Variants in ATP12A observed in about 807,000 individuals in gnomAD.
The protein encoded by ATP12A is ATPase H+/K+ transporting non-gastric alpha2 subunit.
A neutral mutation model predicts 111.2 loss-of-function variants in ATP12A; 81 were observed. That is an observed-to-expected ratio of 0.73 (90% confidence interval 0.61 to 0.88). The LOEUF (loss-of-function observed/expected upper bound fraction) is 0.88, where lower values mean the gene tolerates loss of function less well. Among genes scored for constraint, ATP12A ranks in the 40% least tolerant of loss-of-function variants. The pLI is 0.00. For synonymous variants in ATP12A, 498 were observed against 499.8 expected, an observed-to-expected ratio of 1.00 and a Z score of 0.05; for missense variants, 1,196 against 1,313.1, an observed-to-expected ratio of 0.91 and a Z score of 1.38.
Position 24,707,393 on chromosome 13 carries a change from G to A in ATP12A, c.2453G>A (p.Gly818Asp). The A allele has an allele frequency of 6.2e-7, 1 of 1,614,208 alleles. No homozygotes were observed. The change falls in exon 17 of 23, where the codon GGC becomes GAC. Residue 818 changes from glycine to aspartate, a missense_variant. Gly to Asp is a moderately conservative substitution (Grantham distance 94, BLOSUM62 -1). This residue lies in a region of ATP12A where 1,126 missense variants were observed against 1,228.5 expected (regional missense o/e 0.92). Transcript: ENST00000381946. Reference protein sequence around the residue: ...YIIVGLPLPIGTITILFIDLG... With the variant: ...YIIVGLPLPIDTITILFIDLG... ...ATTGTCGGGCTCCCCCTGCCCATTG[G>A]CACCATCACCATTCTGTTCATTGAC...
intron 4 of ATP12A, 54 bp from the exon 5 acceptor site, chr13:24,689,208 C>A: frequency 6.9e-7 from 1 of 1,440,934 alleles, no homozygotes; most frequent in Non-Finnish European, 9.8e-7. Context: ...AGCCCCAGGG[C>A]CCGGCTGCTT....
Position 24,707,101 on chromosome 13 carries a change from G to C in ATP12A, c.2248G>C (p.Gly750Arg), listed in dbSNP as rs1182244887. Residue 750 changes from glycine (G) to arginine (R), a missense_variant, in exon 16 of 23, where the codon GGG (glycine) becomes CGG (arginine). Coordinates refer to ENST00000381946, the MANE Select transcript of ATP12A (RefSeq NM_001676.7). ...LKKADIGIAM[G>R]IAGSDAAKNA... ...GAAGGCAGACATTGGGATTGCCATG[G>C]GGATAGCAGGTTCTGATGCAGCCAA... is the stretch of plus-strand genomic sequence containing the variant. 6.2e-7 allele frequency: 1 copy of C among 1,614,120 alleles called. No homozygotes were observed. The highest frequency in any genetic ancestry group is 1.1e-5 in the South Asian group (1 of 91,076).
At chr13:24,689,172 C>A in intron 4 of ATP12A, 90 bp from the exon 5 acceptor site, 1 of 960,012 alleles carries the variant, frequency 1.0e-6, no homozygotes, top group Non-Finnish European at 1.7e-6. Context: ...TAACTGCCAG[C>A]ATTGCATCCT....
chr13:24,705,480 C>T (rs1165523443), intron 14 of ATP12A, among the ~76,000 whole-genome samples: 1 of 152,174 alleles, frequency 6.6e-6, no homozygotes, highest in Non-Finnish European at 1.5e-5. Flanking sequence ...GGCCCTAGAA[C>T]CTTACTTTTA....
At chr13:24,680,784 C>T (rs1405515853) in intron 1 of ATP12A, 32 bp downstream of exon 1, 40 of 1,479,992 alleles carry the variant, frequency 2.7e-5, no homozygotes, top group Non-Finnish European at 3.4e-5. Context: ...GCCGAGGATG[C>T]GAGACGCTGG....
At chr13:24,709,886 T>C in intron 19 of ATP12A, 58 bp downstream of exon 19, 1 of 1,598,810 alleles carries the variant, frequency 6.3e-7, no homozygotes, top group South Asian at 1.1e-5. Flanking sequence ...CTCATTGCCC[T>C]GCGCAGAATT....
intron 11 of ATP12A, 143 bp downstream of exon 11, chr13:24,694,721 C>G: frequency 8.5e-6 from 11 of 1,287,894 alleles, no homozygotes; most frequent in Non-Finnish European, 1.2e-5. Flanking sequence ...GGCATCTGGT[C>G]CCCTAGGTCA....
rs745857314 is a variant in ATP12A, at chr13:24,686,761, A to AGAAG, written c.228+1404_228+1407dup. Among the ~76,000 whole-genome samples the AGAAG allele has an allele frequency of 1.0e-3, 138 of 132,680 alleles. 1 individual carries two copies. The highest frequency in any genetic ancestry group is 3.6e-3 in the African/African-American group (124 of 34,202). 87.0% of individuals were successfully genotyped at this position (132,680 alleles called of 152,430 possible). The stretch of plus-strand genomic sequence containing the variant: ...CGAAAGAAAAGAAGGAAAGAAAGAA[A>AGAAG]GAAGGAAGGAAGGAAGGAAAGAAAG... On this transcript the variant is annotated intron_variant, in intron 3 of 22. Coordinates refer to ENST00000381946, the MANE Select transcript of ATP12A (RefSeq NM_001676.7).
chr13:24,708,945 G>GA (rs1555255692), intron 17 of ATP12A, among the ~76,000 whole-genome samples: 2 of 141,646 alleles, frequency 1.4e-5, no homozygotes, highest in African/African-American at 5.4e-5. Flanking sequence ...AAGAAAGAAA[G>GA]AAAGAAAGAA....
At chr13:24,695,676 C>T (rs1401246702) in intron 11 of ATP12A, among the ~76,000 whole-genome samples, 1 of 142,114 alleles carries the variant, frequency 7.0e-6, no homozygotes, top group Non-Finnish European at 1.5e-5. Context: ...GGCACGATCT[C>T]GGCTCACTGC....
intron 9 of ATP12A, 33 bp from the exon 10 acceptor site, chr13:24,692,754 C>T (rs763793066): frequency 5.0e-5 from 81 of 1,609,096 alleles, no homozygotes; most frequent in Non-Finnish European, 6.7e-5. Context: ...CAGCCCAACC[C>T]ACAGCAGCCA....
rs1355580796 is a variant in ATP12A, at chr13:24,692,767, G to C, written c.1268-20G>C. ...GCCAGCCCAACCCACAGCAGCCACT[G>C]TTCTTTCTCTGTCTTCCAGACCAAG... On this transcript the variant is annotated intron_variant, in intron 9 of 22. Coordinates refer to ENST00000381946, the MANE Select transcript of ATP12A (RefSeq NM_001676.7). The C allele has an allele frequency of 2.5e-6, 4 of 1,612,380 alleles. No homozygotes were observed. Among genetic ancestry groups the C allele is most frequent in the Non-Finnish European group, 2.5e-6 (3 of 1,178,602 alleles).
rs140641280 is a variant in ATP12A at position 24,710,605 on chromosome 13, G to T, written c.2897+12G>T. The T allele has an allele frequency of 6.7e-4, 1,077 of 1,613,954 alleles. 11 individuals are homozygous for T. In the African/African-American group the frequency reaches 0.013, roughly 19 times the overall value. On this transcript the variant is annotated intron_variant, in intron 20 of 22. Coordinates refer to ENST00000381946, the MANE Select transcript of ATP12A (RefSeq NM_001676.7). ...CAGGGTCTCTTCAGGTACTGCCTGT[G>T]CCCGGCCTCCTGGGGCAGCCCTGGG...
chr13:24,707,964 C>T lies in ATP12A; in HGVS notation c.2493+531C>T, dbSNP rs374457729. ...TGCACCTGAGCTATAGCAAGCTTTT[C>T]AAGACATGAGTCTTCATCCTCAAAA... On this transcript the variant is annotated intron_variant, in intron 17 of 22. Transcript: ENST00000381946. Among the ~76,000 whole-genome samples, 74 of 151,816 alleles carry T rather than the reference C, an allele frequency of 4.9e-4. 2 individuals carry two copies. The South Asian group carries it at 0.015, about 31-fold the overall frequency.
chr13:24,683,603 G>GT (rs151040139), intron 2 of ATP12A, among the ~76,000 whole-genome samples: 12,721 of 152,208 alleles, frequency 0.084, 652 homozygotes, highest in Middle Eastern at 0.11. Context: ...GCATTTGTCC[G>GT]TATCTATCAT....
At chr13:24,681,979 TG>T (rs1255228313) in intron 2 of ATP12A, among the ~76,000 whole-genome samples, 4 of 118,368 alleles carry the variant, frequency 3.4e-5, no homozygotes, top group Non-Finnish European at 5.3e-5. Flanking sequence ...GTATGGTGTG[TG>T]GTGTGTGTGT....
At chr13:24,687,066 G>A (rs1054443885) in intron 3 of ATP12A, among the ~76,000 whole-genome samples, 4 of 152,124 alleles carry the variant, frequency 2.6e-5, no homozygotes, top group Non-Finnish European at 5.9e-5. Flanking sequence ...AATTGGAGTG[G>A]AGGGAGATGG....
chr13:24,684,071 C>A (rs1012871750), intron 2 of ATP12A, among the ~76,000 whole-genome samples: 2 of 151,224 alleles, frequency 1.3e-5, no homozygotes, highest in Non-Finnish European at 2.9e-5. Context: ...CCTCGTCCCA[C>A]CCCTCCCCCA....
At position 24,682,081 on chromosome 13, in the gene ATP12A, ATGTG is replaced by A. The variant is rs1874475662; in HGVS notation, c.168+364_168+367del. ...TATGGTGTGTGTGTATGGTGTGTGTATGTGTGGTGTGTGTGATGTGTGTGTGATG... is the reference window on the plus strand; with the variant it reads ...TATGGTGTGTGTGTATGGTGTGTGTATGGTGTGTGTGATGTGTGTGTGATG... On this transcript the variant is annotated intron_variant, in intron 2 of 22. Transcript: ENST00000381946. 7.7e-5 allele frequency among the ~76,000 whole-genome samples: 3 copies of A among 39,054 alleles called. No individual in the cohort carries two copies. In the Admixed American group the frequency reaches 9.0e-4, roughly 12 times the overall value. 25.6% of individuals were successfully genotyped at this position (39,054 alleles called of 152,430 possible).
Sources: gnomAD v4.1 joint callset for allele counts (sites outside exome capture counted in the v4.1 genomes callset) on GRCh38, gnomAD v4.1.1 for gene constraint, gnomAD v4.1.1 regional missense constraint, MANE v1.5 for transcripts, NCBI Gene and HGNC (gene_info 2026-07-23, HGNC 2026-07-21) for gene names.